RAB40B: variants seen among roughly 807,000 people sequenced by gnomAD.
RAB40B encodes RAB40B, member RAS oncogene family.
Under a neutral mutation model 24.0 loss-of-function variants are expected in RAB40B, and 21 were observed. That is an observed-to-expected ratio of 0.88 (90% CI 0.62 to 1.26). RAB40B has a LOEUF of 1.26. Ranked by LOEUF, RAB40B falls within the 50% of genes most tolerant of loss-of-function variation. The probability of loss-of-function intolerance (pLI) is 0.00; values close to 1 mark genes in which losing one functional copy is unlikely to be tolerated. For synonymous variants in RAB40B, 167 were observed against 169.8 expected (o/e 0.98, Z 0.13); for missense variants, 348 against 390.5 (o/e 0.89, Z 0.92).
In RAB40B at chr17:82,697,405, G is replaced by A. The variant is rs911838304; in HGVS notation, c.142+1050C>T. On this transcript the variant is annotated intron_variant, in intron 1 of 5. Coordinates refer to ENST00000571995, the MANE Select transcript of RAB40B (RefSeq NM_006822.3). This position sits in a 1 kb window ranked among gnomAD's most constrained non-coding sequence, Gnocchi z 4.9. ...AGGACCCTGGACCTGGGGCTTCCCA[G>A]ACCCTTCCCAGGCCCCAGAGCTGAC... 3.3e-5 allele frequency among the ~76,000 whole-genome samples: 5 copies of A among 152,152 alleles called. No individual in the cohort carries two copies. Among genetic ancestry groups the A allele is most frequent in the African/African-American group, 1.2e-4 (5 of 41,436 alleles).
intron 1 of RAB40B, among the ~76,000 whole-genome samples, chr17:82,689,565 T>A (rs188043918): frequency 6.6e-6 from 1 of 152,182 alleles, no homozygotes; most frequent in African/African-American, 2.4e-5. Flanking sequence ...AATTGAGGGC[T>A]TCTAATGGCA....
rs2046197326 is a variant in RAB40B, at chr17:82,663,178, G to C, written c.203+1318C>G. Among the ~76,000 whole-genome samples, 2 of 152,148 alleles carry C rather than the reference G, an allele frequency of 1.3e-5. No individual in the cohort carries two copies. The highest frequency in any genetic ancestry group is 4.8e-5 in the African/African-American group (2 of 41,430). On this transcript the variant is annotated intron_variant, in intron 2 of 5. Transcript: ENST00000571995. This position sits in a 1 kb window ranked among gnomAD's most constrained non-coding sequence, Gnocchi z 6.2. Reference sequence around the variant, plus strand: ...GAGGCCTGAAGCTGTGCAGCAGGAAGGGTCGGGGCGCTTGGGGACACTGTG... The same window carrying C: ...GAGGCCTGAAGCTGTGCAGCAGGAACGGTCGGGGCGCTTGGGGACACTGTG...
chr17:82,661,599 A>T (rs1365932284), intron 2 of RAB40B, among the ~76,000 whole-genome samples: 5 of 152,140 alleles, frequency 3.3e-5, no homozygotes, highest in African/African-American at 1.2e-4. Flanking sequence ...CAAGAAACAA[A>T]TGAAAGGCCG....
intron 1 of RAB40B, among the ~76,000 whole-genome samples, chr17:82,665,158 G>A (rs2046239248): frequency 6.6e-6 from 1 of 152,174 alleles, no homozygotes. Flanking sequence ...CACCTCTGGG[G>A]TGCAGATTAC....
rs2143462997 is a variant in RAB40B at position 82,663,478 on chromosome 17, C to G, written c.203+1018G>C. Among the ~76,000 whole-genome samples the G allele has an allele frequency of 6.6e-6, 1 of 152,260 alleles. No individual in the cohort carries two copies. Among genetic ancestry groups the G allele is most frequent in the South Asian group, 2.1e-4 (1 of 4,830 alleles). On this transcript the variant is annotated intron_variant, in intron 2 of 5. Coordinates refer to ENST00000571995, the MANE Select transcript of RAB40B (RefSeq NM_006822.3). The surrounding 1 kb of genome is among the most constrained non-coding windows in gnomAD (Gnocchi z 6.2). ...CCGCAGGAGCTCCCCCCATCCCAAG[C>G]CAAGAGCGGGTGGAGGGAGAGGTGT...
chr17:82,693,169 A>AT (rs917376537), intron 1 of RAB40B, among the ~76,000 whole-genome samples: 22 of 150,742 alleles, frequency 1.5e-4, no homozygotes, highest in African/African-American at 3.9e-4. Flanking sequence ...CACCTGGCTA[A>AT]TTTTTTTTTG....
Position 82,657,731 on chromosome 17 carries a change from G to T in RAB40B, c.*132C>A. The T allele has an allele frequency of 9.2e-7, 1 of 1,081,946 alleles. No homozygotes were observed. Among genetic ancestry groups the T allele is most frequent in the Non-Finnish European group, 1.4e-6 (1 of 699,750 alleles). The allele number at this position is 1,081,946 out of a possible 1,614,324, so 67.0% of individuals were successfully genotyped here. A position where few individuals can be genotyped will look rare whatever the true frequency, so the allele number is the denominator to read the frequency against. ...ACGGGGTAGTGTGTTTCCATCACAC[G>T]GAAGGCGTCGCACACATTCGCAAGC... is the stretch of plus-strand genomic sequence containing the variant. On this transcript the variant is annotated 3_prime_UTR_variant, in exon 6 of 6. Coordinates refer to ENST00000571995, the MANE Select transcript of RAB40B (RefSeq NM_006822.3).
In RAB40B at chr17:82,658,138, G is replaced by A; in HGVS notation, c.566-4C>T. On this transcript the variant is annotated splice_polypyrimidine_tract_variant and splice_region_variant and intron_variant, in intron 5 of 5. Transcript: ENST00000571995. Reference sequence around the variant, plus strand: ...CAGAGGTCTTGCAAGCTCAGCACTTGGGAGAGAAAAGATAAACCTTGCTTA... The same window carrying A: ...CAGAGGTCTTGCAAGCTCAGCACTTAGGAGAGAAAAGATAAACCTTGCTTA... 1 of 1,612,426 alleles carries A rather than the reference G, an allele frequency of 6.2e-7. No homozygotes were observed. The highest frequency in any genetic ancestry group is 8.5e-7 in the Non-Finnish European group (1 of 1,179,162).
At chr17:82,690,401 CAT>C (rs1386724670) in intron 1 of RAB40B, among the ~76,000 whole-genome samples, 1 of 127,992 alleles carries the variant, frequency 7.8e-6, no homozygotes, top group East Asian at 2.6e-4. Flanking sequence ...GGAGTGTGCA[CAT>C]GTGTTCTCAG....
Position 82,657,764 on chromosome 17 carries a change from G to T in RAB40B, c.*99C>A. ...TCGCACACATTCGCAAGCAGCATTC[G>T]CCGAGAGGAACCGGGATCTGAGATG... On this transcript the variant is annotated 3_prime_UTR_variant, in exon 6 of 6. Transcript: ENST00000571995. 2 of 1,400,222 alleles carry T rather than the reference G, an allele frequency of 1.4e-6. No homozygotes were observed. Among genetic ancestry groups the T allele is most frequent in the Non-Finnish European group, 2.0e-6 (2 of 986,402 alleles). 86.7% of individuals were successfully genotyped at this position (1,400,222 alleles called of 1,614,324 possible).
intron 1 of RAB40B, among the ~76,000 whole-genome samples, chr17:82,686,801 C>T (rs970328795): frequency 2.0e-5 from 3 of 152,216 alleles, no homozygotes; most frequent in Admixed American, 6.5e-5. Context: ...CATCCAAAAG[C>T]CACTTCACTC....
chr17:82,664,522 G>C lies in RAB40B; in HGVS notation c.177C>G (p.Asp59Glu). The change falls in exon 2 of 6, where the codon GAC (aspartate) becomes GAG (glutamate). Residue 59 changes from aspartate (D) to glutamate (E), a missense_variant. Asp to Glu is a conservative substitution (Grantham distance 45). Transcript: ENST00000571995. ...IDYKTTTILL[D>E]GRRVKLQLWD... Reference sequence around the variant, plus strand: ...AGAGCTGCAGCTTCACCCGCCGCCCGTCCAGCAGGATGGTGGTCGTCTTGT... The same window carrying C: ...AGAGCTGCAGCTTCACCCGCCGCCCCTCCAGCAGGATGGTGGTCGTCTTGT... 1 of 1,613,544 alleles carries C rather than the reference G, an allele frequency of 6.2e-7. No homozygotes were observed.
chr17:82,679,426 T>C (rs191476171), intron 1 of RAB40B, among the ~76,000 whole-genome samples: 13,073 of 151,010 alleles, frequency 0.087, 1,029 homozygotes, highest in African/African-American at 0.22. Flanking sequence ...GGACTACAGG[T>C]GCCTGCCACC....
In RAB40B at chr17:82,663,774, C is replaced by T. The variant is rs1407059954; in HGVS notation, c.203+722G>A. ...CCCAGGAGCCCCGGGCTGCCTCAAC[C>T]ACGCTGCATCGGTCCCCTCTTGGCA... On this transcript the variant is annotated intron_variant, in intron 2 of 5. Transcript: ENST00000571995. This position sits in a 1 kb window ranked among gnomAD's most constrained non-coding sequence, Gnocchi z 6.2. Among the ~76,000 whole-genome samples, 1 of 152,186 alleles carries T rather than the reference C, an allele frequency of 6.6e-6. No individual in the cohort carries two copies. Among genetic ancestry groups the T allele is most frequent in the East Asian group, 1.9e-4 (1 of 5,178 alleles).
At chr17:82,676,442 C>T (rs1430609051) in intron 1 of RAB40B, among the ~76,000 whole-genome samples, 2 of 148,890 alleles carry the variant, frequency 1.3e-5, no homozygotes, top group South Asian at 4.4e-4. Context: ...GCCTCTCCCC[C>T]CCCACACAGG....
chr17:82,659,314 C>G, intron 4 of RAB40B: 1 of 483,852 alleles, frequency 2.1e-6, no homozygotes, highest in Non-Finnish European at 3.8e-6. Context: ...GCAGGCCAAA[C>G]CTGACCCCAC....
rs377055626 is a variant in RAB40B at position 82,697,691 on chromosome 17, C to T, written c.142+764G>A. ...TTCCCCCTTCTCCTGGGTTCCTGCC[C>T]CCGCCTTTCTTTCCCCGGAGCCGTC... On this transcript the variant is annotated intron_variant, in intron 1 of 5. Transcript: ENST00000571995. The surrounding 1 kb of genome is among the most constrained non-coding windows in gnomAD (Gnocchi z 4.9). Among the ~76,000 whole-genome samples, 55 of 152,332 alleles carry T rather than the reference C, an allele frequency of 3.6e-4. No homozygotes were observed. Among genetic ancestry groups the T allele is most frequent in the African/African-American group, 1.2e-3 (51 of 41,574 alleles).
At chr17:82,682,787 C>T (rs2046459205) in intron 1 of RAB40B, among the ~76,000 whole-genome samples, 1 of 152,158 alleles carries the variant, frequency 6.6e-6, no homozygotes, top group Admixed American at 6.5e-5. Flanking sequence ...ACAAATGCTG[C>T]TGGAACAATT....
At chr17:82,695,937 T>C (rs2046605700) in intron 1 of RAB40B, among the ~76,000 whole-genome samples, 1 of 152,080 alleles carries the variant, frequency 6.6e-6, no homozygotes, top group South Asian at 2.1e-4. Context: ...AGTACAATGG[T>C]GCGATCTCTG....
Sources: allele counts gnomAD v4.1 joint callset (sites outside exome capture counted in the v4.1 genomes callset), GRCh38; gene constraint gnomAD v4.1.1; non-coding constraint Gnocchi (gnomAD v3.1); transcripts MANE v1.5; gene names NCBI Gene and HGNC (gene_info 2026-07-23, HGNC 2026-07-21).